Variants in GPHN observed in about 807,000 individuals in gnomAD.
The protein encoded by GPHN is gephyrin.
A neutral mutation model predicts 95.5 loss-of-function variants in GPHN; 17 were observed. The observed-to-expected ratio is 0.18, with a 90% CI of 0.12 to 0.27. The LOEUF is 0.27. Among genes scored for constraint, GPHN ranks in the 10% least tolerant of loss-of-function variants. The pLI, the probability that GPHN is intolerant of heterozygous loss-of-function variation, is 1.00. For missense variants in GPHN, 660 were observed against 978.1 expected, an observed-to-expected ratio of 0.67 and a Z score of 4.34; for synonymous variants, 320 against 322.5, an observed-to-expected ratio of 0.99 and a Z score of 0.08.
chr14:66,727,047 C>T (rs1228941215), intron 2 of GPHN, among the ~76,000 whole-genome samples: 1 of 152,136 alleles, frequency 6.6e-6, no homozygotes, highest in African/African-American at 2.4e-5. Flanking sequence ...CCTGGTGAGA[C>T]ATAATTGAAT....
intron 1 of GPHN, among the ~76,000 whole-genome samples, chr14:66,562,877 GTGTT>G (rs1181408451): frequency 1.3e-5 from 2 of 151,950 alleles, no homozygotes; most frequent in African/African-American, 2.4e-5. Context: ...GTGTGTGTGT[GTGTT>G]TGTGTGTGTG....
intron 11 of GPHN, among the ~76,000 whole-genome samples, chr14:67,063,083 G>T (rs2075890763): frequency 6.6e-6 from 1 of 152,150 alleles, no homozygotes; most frequent in Non-Finnish European, 1.5e-5. Context: ...AATCCATCTT[G>T]AATTAATTTT....
At chr14:66,561,983 C>T (rs1251845275) in intron 1 of GPHN, among the ~76,000 whole-genome samples, 1 of 152,080 alleles carries the variant, frequency 6.6e-6, no homozygotes, top group Non-Finnish European at 1.5e-5. Flanking sequence ...GGGTTGAGTC[C>T]TTCTCACACT....
chr14:66,945,056 T>G (rs1327909947), intron 8 of GPHN, among the ~76,000 whole-genome samples: 1 of 152,210 alleles, frequency 6.6e-6, no homozygotes, highest in East Asian at 1.9e-4. Flanking sequence ...GGTACTTACC[T>G]TTTCTCAAGC....
At chr14:67,496,391 G>GCTT in the GPHN span, among the ~76,000 whole-genome samples, 2 of 30,108 alleles carry the variant, frequency 6.6e-5, no homozygotes, top group African/African-American at 2.6e-4. Flanking sequence ...CTGCTCCGGC[G>GCTT]TTTTTTTTTT....
chr14:67,083,621 C>T (rs1463302788), intron 11 of GPHN, among the ~76,000 whole-genome samples: 1 of 151,970 alleles, frequency 6.6e-6, no homozygotes, highest in Non-Finnish European at 1.5e-5. Flanking sequence ...ATATAGTTGA[C>T]AAAAAATATA....
At chr14:66,526,112 C>T (rs2058681179) in intron 1 of GPHN, among the ~76,000 whole-genome samples, 1 of 152,022 alleles carries the variant, frequency 6.6e-6, no homozygotes, top group Admixed American at 6.6e-5. Context: ...TCTCCCTATC[C>T]ATTAGCATGG....
the GPHN span, among the ~76,000 whole-genome samples, chr14:67,322,728 T>G: frequency 6.6e-6 from 1 of 151,558 alleles, no homozygotes; most frequent in Non-Finnish European, 1.5e-5. Context: ...AAAATTCTTA[T>G]TTCTCCAGAA....
chr14:67,376,521 C>T, the GPHN span: 1 of 1,614,074 alleles, frequency 6.2e-7, no homozygotes, highest in Non-Finnish European at 8.5e-7. Flanking sequence ...CAGAGGACTG[C>T]CTGGGTCTTT....
the GPHN span, among the ~76,000 whole-genome samples, chr14:67,325,356 G>A: frequency 3.3e-5 from 5 of 152,120 alleles, no homozygotes; most frequent in Non-Finnish European, 5.9e-5. Flanking sequence ...CCTACATGAT[G>A]AGCATAATTC....
chr14:66,925,675 T>C (rs1480492116), intron 8 of GPHN, among the ~76,000 whole-genome samples: 1 of 152,162 alleles, frequency 6.6e-6, no homozygotes, highest in Non-Finnish European at 1.5e-5. Flanking sequence ...ATTCATCTGC[T>C]GATGGACACT....
chr14:66,860,972 G>C (rs971435013), intron 4 of GPHN, among the ~76,000 whole-genome samples: 2 of 151,882 alleles, frequency 1.3e-5, no homozygotes, highest in African/African-American at 4.8e-5. Flanking sequence ...AAGAAAAGAA[G>C]GAAGAGAAGA....
intron 2 of GPHN, among the ~76,000 whole-genome samples, chr14:66,769,808 T>A (rs2059098979): frequency 6.6e-6 from 1 of 152,206 alleles, no homozygotes; most frequent in Non-Finnish European, 1.5e-5. Context: ...CATGTGTCTT[T>A]ATGATATAAC....
intron 4 of GPHN, among the ~76,000 whole-genome samples, chr14:66,864,798 T>A (rs1374675028): frequency 6.6e-6 from 1 of 152,000 alleles, no homozygotes; most frequent in Non-Finnish European, 1.5e-5. Context: ...AACTCAGTAT[T>A]TCCAAGGAAT....
chr14:67,060,244 T>C (rs995221655), intron 11 of GPHN, among the ~76,000 whole-genome samples: 48 of 152,136 alleles, frequency 3.2e-4, no homozygotes, highest in African/African-American at 9.6e-4. Context: ...ATTTCATTTT[T>C]CCTCCAGAGA....
chr14:67,184,472 G>A (rs2083358711), downstream of GPHN, among the ~76,000 whole-genome samples: 2 of 152,236 alleles, frequency 1.3e-5, no homozygotes, highest in African/African-American at 2.4e-5. Context: ...TGATGGGAAC[G>A]TCCGAACAGA....
At chr14:66,763,183 T>G (rs1447992367) in intron 2 of GPHN, among the ~76,000 whole-genome samples, 1 of 151,794 alleles carries the variant, frequency 6.6e-6, no homozygotes, top group African/African-American at 2.4e-5. Context: ...ACAATAAAAG[T>G]AATAAAAAAT....
intron 9 of GPHN, among the ~76,000 whole-genome samples, chr14:67,023,240 C>G (rs991811868): frequency 6.6e-6 from 1 of 151,940 alleles, no homozygotes; most frequent in African/African-American, 2.4e-5. Flanking sequence ...TACTTAGTTA[C>G]AACTTAATTA....
chr14:67,026,555 A>C (rs143254442), intron 10 of GPHN, among the ~76,000 whole-genome samples: 6 of 152,236 alleles, frequency 3.9e-5, no homozygotes, highest in Non-Finnish European at 8.8e-5. Context: ...CCAGAGTTAA[A>C]TAAGTTGCTT....
Sources: gnomAD v4.1 joint callset for allele counts (sites outside exome capture counted in the v4.1 genomes callset) on GRCh38, gnomAD v4.1.1 for gene constraint, MANE v1.5 for transcripts, NCBI Gene and HGNC (gene_info 2026-07-23, HGNC 2026-07-21) for gene names.